DCBLD1: variants seen among roughly 807,000 people sequenced by gnomAD.
DCBLD1 encodes discoidin, CUB and LCCL domain containing 1, also known as discoidin, CUB and LCCL domain-containing protein 1.
A neutral mutation model predicts 71.5 loss-of-function variants in DCBLD1; 57 were observed. The observed-to-expected ratio is 0.80, with a 90% CI of 0.64 to 0.99. The LOEUF is 0.99. Among genes scored for constraint, DCBLD1 ranks in the 50% least tolerant of loss-of-function variants. The pLI is 0.00. For missense variants in DCBLD1, 891 were observed against 923.5 expected (o/e 0.96, Z 0.46); for synonymous variants, 380 against 363.8 (o/e 1.04, Z -0.51).
At chr6:117,484,827 G>T (rs141814515) in intron 1 of DCBLD1, 25 of 152,258 alleles carry the variant, frequency 1.6e-4, no homozygotes, top group Non-Finnish European at 3.2e-4. Flanking sequence ...AATTTTTTGT[G>T]TGTCAGAGTC....
chr6:117,489,802 G>T (rs544159469), intron 1 of DCBLD1, among the ~76,000 whole-genome samples: 1 of 152,094 alleles, frequency 6.6e-6, no homozygotes, highest in Admixed American at 6.5e-5. Flanking sequence ...GGAGAATGGC[G>T]TGAACCCGGG....
intron 9 of DCBLD1, 108 bp from the exon 10 acceptor site, chr6:117,540,560 C>A (rs1019533301): frequency 1.4e-6 from 2 of 1,390,056 alleles, no homozygotes; most frequent in Admixed American, 2.1e-5. Context: ...AAAATGCAAC[C>A]GACATAGAAT....
At chr6:117,536,265 C>G (rs1778878058) in intron 6 of DCBLD1, among the ~76,000 whole-genome samples, 1 of 152,042 alleles carries the variant, frequency 6.6e-6, no homozygotes, top group Non-Finnish European at 1.5e-5. Context: ...TTGGACACAA[C>G]AGGGGCATCT....
chr6:117,548,330 A>G lies in DCBLD1; in HGVS notation c.2039A>G (p.His680Arg). The part of the protein sequence containing the change: ...AVSALATESG[H>R]PDSQKPPTHP... The stretch of plus-strand genomic sequence containing the variant: ...AGCGCCCTCGCCACCGAAAGCGGGC[A>G]CCCTGACTCTCAGAAGCCCCCAACG... The change falls in exon 15 of 15, where the codon CAC (histidine) becomes CGC (arginine). Residue 680 changes from histidine to arginine, a missense_variant. Physicochemically the swap from His to Arg is conservative, Grantham distance 29. Coordinates refer to ENST00000338728, the MANE Select transcript of DCBLD1 (RefSeq NM_001366458.2). 1 of 1,550,638 alleles carries G rather than the reference A, an allele frequency of 6.4e-7. No homozygotes were observed. Among genetic ancestry groups the G allele is most frequent in the Non-Finnish European group, 8.7e-7 (1 of 1,146,976 alleles).
chr6:117,527,586 G>A (rs369953872), intron 5 of DCBLD1, among the ~76,000 whole-genome samples: 2 of 152,332 alleles, frequency 1.3e-5, no homozygotes, highest in African/African-American at 4.8e-5. Flanking sequence ...ACTGGGATCA[G>A]TGGATAAAAG....
chr6:117,494,899 T>C (rs1202596610), intron 1 of DCBLD1: 4 of 152,226 alleles, frequency 2.6e-5, no homozygotes, highest in Non-Finnish European at 5.9e-5. Flanking sequence ...TCCCAGGAGA[T>C]GCCCCAAGAG....
intron 1 of DCBLD1, among the ~76,000 whole-genome samples, chr6:117,492,106 G>C (rs12527127): frequency 0.44 from 66,717 of 151,972 alleles, 15,467 homozygotes; most frequent in African/African-American, 0.61. Context: ...CTCTCTATGA[G>C]TTACAAGTAA....
intron 2 of DCBLD1, among the ~76,000 whole-genome samples, chr6:117,506,849 G>A (rs1304308227): frequency 1.3e-5 from 2 of 152,240 alleles, no homozygotes; most frequent in African/African-American, 2.4e-5. Context: ...AATGTCTGCT[G>A]AAATTCAGCA....
At chr6:117,484,905 G>A (rs560048427) in intron 1 of DCBLD1, 2 of 152,190 alleles carry the variant, frequency 1.3e-5, no homozygotes, top group African/African-American at 2.4e-5. Flanking sequence ...TGTTTTTCTT[G>A]AATTAAAGTT....
At chr6:117,509,497 T>C (rs762498549) in intron 2 of DCBLD1, among the ~76,000 whole-genome samples, 1 of 152,162 alleles carries the variant, frequency 6.6e-6, no homozygotes, top group Non-Finnish European at 1.5e-5. Flanking sequence ...GGCACACTTA[T>C]ATATGACTTT....
At position 117,482,843 on chromosome 6, in the gene DCBLD1, C is replaced by G. The variant is rs1443284372; in HGVS notation, c.62C>G (p.Ala21Gly). 4.2e-6 allele frequency: 5 copies of G among 1,180,688 alleles called. No homozygotes were observed. The highest frequency in any genetic ancestry group is 1.6e-5 in the African/African-American group (1 of 61,916). The allele number at this position is 1,180,688 out of a possible 1,614,324, so 73.1% of individuals were successfully genotyped here. ...CGGGCTGCCGGGCGGGGCCTCCTGG[C>G]TTTGCTGCTCGCGGTCTCCGCCCCG... ...LARAAGRGLL[A>G]LLLAVSAPLR... The change falls in exon 1 of 15, where the codon GCT becomes GGT. Residue 21 changes from alanine (A) to glycine (G), a missense_variant. Ala to Gly is a moderately conservative substitution (Grantham distance 60). Transcript: ENST00000338728.
intron 2 of DCBLD1, among the ~76,000 whole-genome samples, chr6:117,507,111 G>C (rs942049245): frequency 1.3e-5 from 2 of 152,240 alleles, no homozygotes; most frequent in Non-Finnish European, 2.9e-5. Context: ...TCTGCCAAGA[G>C]TGGACATACT....
chr6:117,485,479 GTTT>G (rs2114346500), intron 1 of DCBLD1, among the ~76,000 whole-genome samples: 1 of 152,328 alleles, frequency 6.6e-6, no homozygotes, highest in Admixed American at 6.5e-5. Context: ...GATAGATGAT[GTTT>G]TAGGTGAGTG....
chr6:117,535,785 GAGACAA>G, intron 6 of DCBLD1, among the ~76,000 whole-genome samples: 1 of 152,294 alleles, frequency 6.6e-6, no homozygotes, highest in East Asian at 1.9e-4. Context: ...AATGGAAAAA[GAGACAA>G]AAGAGAGGCT....
At chr6:117,482,941 C>A in intron 1 of DCBLD1, 48 bp downstream of exon 1, 1 of 1,150,382 alleles carries the variant, frequency 8.7e-7, no homozygotes, top group Non-Finnish European at 1.1e-6. Flanking sequence ...GCGCCAGGGG[C>A]GGGCTGAGGG....
At chr6:117,504,061 C>A in intron 2 of DCBLD1, 82 bp downstream of exon 2, 1 of 1,424,858 alleles carries the variant, frequency 7.0e-7, no homozygotes. Context: ...TTAATTAACG[C>A]TATATCATGA....
At chr6:117,509,256 C>T (rs1777936485) in intron 2 of DCBLD1, among the ~76,000 whole-genome samples, 1 of 151,894 alleles carries the variant, frequency 6.6e-6, no homozygotes. Flanking sequence ...ACATGGCAAC[C>T]CCCCATCTCT....
chr6:117,543,837 G>A (rs1232203589), intron 12 of DCBLD1, among the ~76,000 whole-genome samples: 4 of 152,250 alleles, frequency 2.6e-5, no homozygotes, highest in South Asian at 2.1e-4. Context: ...AAGCTGCCCC[G>A]TAACTCAGCC....
intron 2 of DCBLD1, among the ~76,000 whole-genome samples, chr6:117,513,488 A>G (rs140046688): frequency 6.6e-6 from 1 of 152,308 alleles, no homozygotes; most frequent in Admixed American, 6.5e-5. Context: ...ACATTCCACA[A>G]AAGATAAAAG....
Sources: allele counts gnomAD v4.1 joint callset (sites outside exome capture counted in the v4.1 genomes callset), GRCh38; gene constraint gnomAD v4.1.1; transcripts MANE v1.5; gene names NCBI Gene and HGNC (gene_info 2026-07-23, HGNC 2026-07-21).